The following PLCB1 variants were observed in gnomAD, a reference collection of about 807,000 sequenced individuals.
PLCB1 encodes the protein phospholipase C beta 1, also known as 1-phosphatidylinositol 4,5-bisphosphate phosphodiesterase beta-1.
PLCB1 carries 46 observed loss-of-function variants against 161.8 expected under a neutral mutation model. The ratio of observed to expected loss-of-function variants is 0.28; its 90% confidence interval spans 0.22 to 0.36. PLCB1 has a LOEUF of 0.36. Among genes scored for constraint, PLCB1 ranks in the 10% least tolerant of loss-of-function variants. The pLI is 1.00. For missense variants in PLCB1, 1,016 were observed against 1,472.5 expected (o/e 0.69, Z 5.07); for synonymous variants, 517 against 503.7 (o/e 1.03, Z -0.35).
At chr20:8,457,113 A>G (rs1568683714) in intron 3 of PLCB1, among the ~76,000 whole-genome samples, 1 of 152,196 alleles carries the variant, frequency 6.6e-6, no homozygotes, top group African/African-American at 2.4e-5. Flanking sequence ...ATATTTTTAT[A>G]TGCCACCTGC....
chr20:8,632,184 G>C (rs999498025), intron 4 of PLCB1, among the ~76,000 whole-genome samples: 2 of 151,210 alleles, frequency 1.3e-5, no homozygotes, highest in Non-Finnish European at 2.9e-5. Flanking sequence ...CATGAGTTCT[G>C]TAATTTGGGC....
At position 8,472,616 on chromosome 20, in the gene PLCB1, G is replaced by A. The variant is rs979414166; in HGVS notation, c.246+101166G>A. 2.0e-5 allele frequency among the ~76,000 whole-genome samples: 3 copies of A among 152,008 alleles called. No homozygotes were observed. The East Asian group carries it at 5.8e-4, about 29-fold the overall frequency. On this transcript the variant is annotated intron_variant, in intron 3 of 31. Transcript: ENST00000338037. ...TCCAGCTACTGGGGAGGCTGAGGTG[G>A]GAGGATTACTTGAGCCTAGGAGTTC...
At chr20:8,541,701 T>G (rs1163863276) in intron 3 of PLCB1, among the ~76,000 whole-genome samples, 1 of 152,196 alleles carries the variant, frequency 6.6e-6, no homozygotes, top group Non-Finnish European at 1.5e-5. Flanking sequence ...TAATTTGTAT[T>G]TATTTATTGA....
At chr20:8,513,439 A>G (rs1366630357) in intron 3 of PLCB1, among the ~76,000 whole-genome samples, 1 of 152,254 alleles carries the variant, frequency 6.6e-6, no homozygotes, top group Non-Finnish European at 1.5e-5. Context: ...TAAAGTTGCA[A>G]TAAGACAAAT....
intron 3 of PLCB1, among the ~76,000 whole-genome samples, chr20:8,397,506 C>T (rs532343910): frequency 2.6e-5 from 4 of 152,156 alleles, no homozygotes; most frequent in African/African-American, 9.6e-5. Flanking sequence ...TCATCCATAT[C>T]CTTCCACCCT....
At chr20:8,168,890 G>C (rs913304721) in intron 2 of PLCB1, among the ~76,000 whole-genome samples, 1 of 152,092 alleles carries the variant, frequency 6.6e-6, no homozygotes, top group African/African-American at 2.4e-5. Context: ...TTCTTCAGTA[G>C]AGAGGTAGAA....
chr20:8,768,395 C>T (rs1404450547), intron 26 of PLCB1, among the ~76,000 whole-genome samples: 2 of 152,102 alleles, frequency 1.3e-5, no homozygotes, highest in African/African-American at 2.4e-5. Context: ...TTTCCCTCTT[C>T]TAATGACAGA....
chr20:8,530,624 C>T (rs1466008760), intron 3 of PLCB1, among the ~76,000 whole-genome samples: 19 of 152,190 alleles, frequency 1.2e-4, no homozygotes, highest in African/African-American at 2.6e-4. Context: ...TTAGGTTTTA[C>T]GAATGCCCAC....
At chr20:8,592,930 C>A (rs1368739697) in intron 3 of PLCB1, among the ~76,000 whole-genome samples, 2 of 152,120 alleles carry the variant, frequency 1.3e-5, no homozygotes, top group Non-Finnish European at 2.9e-5. Flanking sequence ...CTGAGCAGCT[C>A]ATGAGATTCC....
At chr20:8,740,169 T>C (rs1418641722) in intron 21 of PLCB1, among the ~76,000 whole-genome samples, 175 bp from the exon 22 acceptor site, 1 of 152,232 alleles carries the variant, frequency 6.6e-6, no homozygotes, top group Non-Finnish European at 1.5e-5. Flanking sequence ...AATGTTTTCT[T>C]GTCTGATGAG....
chr20:8,147,872 GTTTTTTTTT>G (rs559136150), intron 1 of PLCB1, among the ~76,000 whole-genome samples: 1 of 130,472 alleles, frequency 7.7e-6, no homozygotes, highest in Non-Finnish European at 1.6e-5. Flanking sequence ...ATTTTGAAAA[GTTTTTTTTT>G]TTTTTTTTTG....
intron 2 of PLCB1, among the ~76,000 whole-genome samples, chr20:8,330,789 A>G (rs371085972): frequency 5.3e-5 from 8 of 152,186 alleles, no homozygotes; most frequent in African/African-American, 1.9e-4. Flanking sequence ...AGTTGAAGGA[A>G]TGCTGTTGGC....
intron 3 of PLCB1, among the ~76,000 whole-genome samples, chr20:8,560,298 T>C (rs1385386510): frequency 2.6e-5 from 4 of 152,016 alleles, no homozygotes; most frequent in African/African-American, 4.8e-5. Flanking sequence ...CTGTGAGCTT[T>C]AAGAATACCA....
In PLCB1 at chr20:8,647,968, C is replaced by T. The variant is rs1989211828; in HGVS notation, c.518+15C>T. On this transcript the variant is annotated intron_variant, in intron 6 of 31. Transcript: ENST00000338037. The stretch of plus-strand genomic sequence containing the variant: ...CCTCTCAAAAAGTAAGCTTTGTGAG[C>T]ATTTCTCATTATTCATTTTATTTTC... 1 of 1,522,346 alleles carries T rather than the reference C, an allele frequency of 6.6e-7. No homozygotes were observed. The highest frequency in any genetic ancestry group is 8.9e-7 in the Non-Finnish European group (1 of 1,126,410). 94.3% of individuals were successfully genotyped at this position (1,522,346 alleles called of 1,614,324 possible).
At chr20:8,157,815 T>A (rs1173082856) in intron 2 of PLCB1, among the ~76,000 whole-genome samples, 1 of 152,238 alleles carries the variant, frequency 6.6e-6, no homozygotes, top group Non-Finnish European at 1.5e-5. Context: ...TTCTTTGGAA[T>A]CATTTTTAGA....
intron 31 of PLCB1, among the ~76,000 whole-genome samples, chr20:8,797,659 G>A (rs1451749892): frequency 6.6e-6 from 1 of 152,086 alleles, no homozygotes; most frequent in Non-Finnish European, 1.5e-5. Context: ...TATATAATCT[G>A]TATGTCTTAG....
intron 2 of PLCB1, among the ~76,000 whole-genome samples, chr20:8,246,107 T>C (rs1371229109): frequency 6.6e-6 from 1 of 151,934 alleles, no homozygotes; most frequent in Non-Finnish European, 1.5e-5. Context: ...TCTCATTACA[T>C]TGCCAATCAT....
rs902261515 is a variant in PLCB1, at chr20:8,132,933, T to A, written c.99+183T>A. 2.0e-5 allele frequency among the ~76,000 whole-genome samples: 3 copies of A among 152,118 alleles called. No individual in the cohort carries two copies. The highest frequency in any genetic ancestry group is 2.9e-5 in the Non-Finnish European group (2 of 68,008). ...CCAAGGGCAGAAGCTTTGCGCGCGC[T>A]CCTGTTTCATCGGGCTTCAGTAGTT... On this transcript the variant is annotated intron_variant, in intron 1 of 31. Transcript: ENST00000338037. The surrounding 1 kb of genome is among the most constrained non-coding windows in gnomAD (Gnocchi z 5.2).
At position 8,883,095 on chromosome 20, in the gene PLCB1, C is replaced by CTT. The variant is rs767369424; in HGVS notation, c.*1247_*1248dup. ...GATGCAAACCGAAGTAGATTTAGAACTTATATGAATTTGATTTATATTTTG... is the reference window on the plus strand; with the variant it reads ...GATGCAAACCGAAGTAGATTTAGAACTTTTATATGAATTTGATTTATATTTTG... On this transcript the variant is annotated 3_prime_UTR_variant, in exon 32 of 32. Coordinates refer to ENST00000338037, the MANE Select transcript of PLCB1 (RefSeq NM_015192.4). 5.9e-5 allele frequency: 9 copies of CTT among 152,444 alleles called. No homozygotes were observed. The highest frequency in any genetic ancestry group is 1.9e-4 in the East Asian group (1 of 5,176). The allele number at this position is 152,444 out of a possible 1,614,324, so 9.4% of individuals were successfully genotyped here.
Sources: allele counts gnomAD v4.1 joint callset (sites outside exome capture counted in the v4.1 genomes callset), GRCh38; gene constraint gnomAD v4.1.1; non-coding constraint Gnocchi (gnomAD v3.1); transcripts MANE v1.5; gene names NCBI Gene and HGNC (gene_info 2026-07-23, HGNC 2026-07-21).